The following UBE2K variants were observed in gnomAD, a reference collection of about 807,000 sequenced individuals.
The protein encoded by UBE2K is ubiquitin-conjugating enzyme E2 K.
UBE2K carries 6 observed loss-of-function variants against 30.0 expected under a neutral mutation model. The observed-to-expected ratio is 0.20, with a 90% CI of 0.11 to 0.39. The LOEUF is 0.39. Among genes scored for constraint, UBE2K ranks in the 10% least tolerant of loss-of-function variants. The pLI is 1.00. For missense variants in UBE2K, 61 were observed against 241.6 expected (o/e 0.25, Z 4.96); for synonymous variants, 86 against 83.7 (o/e 1.03, Z -0.15).
At chr4:39,733,019 A>G (rs1203371126) in intron 1 of UBE2K, among the ~76,000 whole-genome samples, 1 of 140,128 alleles carries the variant, frequency 7.1e-6, no homozygotes, top group African/African-American at 2.6e-5. Context: ...TTTGTGCATT[A>G]GAAATGCCTT....
At chr4:39,752,769 C>T (rs1409082256) in intron 3 of UBE2K, among the ~76,000 whole-genome samples, 2 of 152,116 alleles carry the variant, frequency 1.3e-5, no homozygotes, top group Admixed American at 6.5e-5. Context: ...TTGAAATGCT[C>T]CAAAATCTGA....
intron 1 of UBE2K, among the ~76,000 whole-genome samples, chr4:39,712,872 T>A (rs1467508376): frequency 1.3e-5 from 2 of 151,732 alleles, no homozygotes; most frequent in African/African-American, 4.8e-5. Flanking sequence ...TTTTTTTTTT[T>A]TTTTTTTAAA....
intron 1 of UBE2K, among the ~76,000 whole-genome samples, chr4:39,729,693 T>C (rs1303931787): frequency 1.3e-5 from 2 of 152,190 alleles, no homozygotes; most frequent in Non-Finnish European, 2.9e-5. Context: ...ACTTCAAATT[T>C]TTATTATTCT....
chr4:39,716,159 C>A (rs1254898718), intron 1 of UBE2K, among the ~76,000 whole-genome samples: 1 of 152,214 alleles, frequency 6.6e-6, no homozygotes, highest in African/African-American at 2.4e-5. Context: ...CTTTCATCCT[C>A]CACTTGTCTC....
chr4:39,743,019 C>A (rs1720786711), intron 2 of UBE2K, among the ~76,000 whole-genome samples: 2 of 151,244 alleles, frequency 1.3e-5, no homozygotes, highest in Non-Finnish European at 1.5e-5. Flanking sequence ...GCACTCCAGC[C>A]TGGGCAACAG....
intron 1 of UBE2K, among the ~76,000 whole-genome samples, chr4:39,729,587 A>G (rs1719959020): frequency 6.6e-6 from 1 of 151,926 alleles, no homozygotes; most frequent in Non-Finnish European, 1.5e-5. Context: ...GGCATCTCTC[A>G]CTGGTTTCCT....
chr4:39,766,928 T>C (rs1003733847), intron 4 of UBE2K, among the ~76,000 whole-genome samples: 17 of 151,888 alleles, frequency 1.1e-4, no homozygotes, highest in Non-Finnish European at 1.6e-4. Context: ...ATTTTGTGTT[T>C]TTAATAGAGA....
chr4:39,762,476 C>T (rs1044706609), intron 4 of UBE2K, among the ~76,000 whole-genome samples: 3 of 152,172 alleles, frequency 2.0e-5, no homozygotes, highest in Non-Finnish European at 4.4e-5. Flanking sequence ...GCTTCTGATT[C>T]TTCAGGCTGT....
chr4:39,725,261 T>A (rs1404371434), intron 1 of UBE2K, among the ~76,000 whole-genome samples: 2 of 151,320 alleles, frequency 1.3e-5, no homozygotes, highest in Admixed American at 6.6e-5. Context: ...CATGCACCTG[T>A]ACTCACAGCT....
chr4:39,737,317 A>G (rs1302338919), intron 1 of UBE2K, 103 bp from the exon 2 acceptor site: 1 of 570,654 alleles, frequency 1.8e-6, no homozygotes, highest in Admixed American at 4.0e-5. Flanking sequence ...TAGAGCAGAT[A>G]ATCAAGCTTA....
chr4:39,700,118 C>T (rs1318499368), intron 1 of UBE2K, among the ~76,000 whole-genome samples: 1 of 152,018 alleles, frequency 6.6e-6, no homozygotes, highest in African/African-American at 2.4e-5. Context: ...CTGTTACTTA[C>T]GGTAACAGAA....
At chr4:39,749,644 A>G (rs991082998) in intron 3 of UBE2K, among the ~76,000 whole-genome samples, 2 of 152,170 alleles carry the variant, frequency 1.3e-5, no homozygotes, top group African/African-American at 2.4e-5. Flanking sequence ...ATGCCACTGC[A>G]CTGCAGCCTG....
intron 1 of UBE2K, among the ~76,000 whole-genome samples, chr4:39,699,826 G>A (rs1717907325): frequency 6.6e-6 from 1 of 152,162 alleles, no homozygotes; most frequent in Admixed American, 6.5e-5. Context: ...GTTTTACAGA[G>A]CATGTGTATG....
At chr4:39,724,749 G>C (rs1719644608) in intron 1 of UBE2K, among the ~76,000 whole-genome samples, 1 of 150,964 alleles carries the variant, frequency 6.6e-6, no homozygotes, top group South Asian at 2.1e-4. Flanking sequence ...CAGCCTGGGG[G>C]ACAGAGTGAG....
At chr4:39,731,017 G>A (rs1171909723) in intron 1 of UBE2K, among the ~76,000 whole-genome samples, 1 of 151,258 alleles carries the variant, frequency 6.6e-6, no homozygotes, top group East Asian at 2.0e-4. Flanking sequence ...ACAGAGTCTT[G>A]CTTTGTCGCC....
intron 4 of UBE2K, among the ~76,000 whole-genome samples, chr4:39,762,832 C>T (rs1392571277): frequency 2.6e-5 from 4 of 151,552 alleles, no homozygotes; most frequent in African/African-American, 9.7e-5. Context: ...TGGTGTTTCA[C>T]TGTGTTGGCC....
At chr4:39,731,688 A>C (rs148565729) in intron 1 of UBE2K, among the ~76,000 whole-genome samples, 88 of 152,300 alleles carry the variant, frequency 5.8e-4, no homozygotes, top group African/African-American at 1.8e-3. Context: ...ACTGCCTAGA[A>C]GGTAGAAATC....
At chr4:39,765,940 C>CATACATACAT (rs762582207) in intron 4 of UBE2K, among the ~76,000 whole-genome samples, 10 of 140,722 alleles carry the variant, frequency 7.1e-5, no homozygotes, top group African/African-American at 2.7e-4. Context: ...TACATACATA[C>CATACATACAT]ACACACACAC....
intron 1 of UBE2K, among the ~76,000 whole-genome samples, chr4:39,737,021 G>A (rs558705975): frequency 1.4e-4 from 21 of 152,278 alleles, no homozygotes; most frequent in Non-Finnish European, 2.6e-4. Flanking sequence ...TGTTTAAGCA[G>A]AACCCATGTA....
Sources: gnomAD v4.1 joint callset for allele counts (sites outside exome capture counted in the v4.1 genomes callset) on GRCh38, gnomAD v4.1.1 for gene constraint, MANE v1.5 for transcripts, NCBI Gene and HGNC (gene_info 2026-07-23, HGNC 2026-07-21) for gene names.